SLC26A8: variants seen among roughly 807,000 people sequenced by gnomAD.
The protein encoded by SLC26A8 is solute carrier family 26 member 8.
Under a neutral mutation model 105.0 loss-of-function variants are expected in SLC26A8, and 70 were observed. The observed-to-expected ratio is 0.67, with a 90% CI of 0.55 to 0.81. The LOEUF (loss-of-function observed/expected upper bound fraction) is 0.81. SLC26A8 is among the 40% of genes least tolerant of loss of function. SLC26A8 has a pLI of 0.00. For missense variants in SLC26A8, 998 were observed against 1,181.8 expected (o/e 0.84, Z 2.28); for synonymous variants, 415 against 438.3 (o/e 0.95, Z 0.66).
intron 7 of SLC26A8, among the ~76,000 whole-genome samples, chr6:35,984,854 C>G (rs907425027): frequency 6.6e-6 from 1 of 152,144 alleles, no homozygotes; most frequent in South Asian, 2.1e-4. Context: ...TAGTTCAGGC[C>G]ATGATTGAAG....
At chr6:36,022,060 C>T (rs888277800) in intron 1 of SLC26A8, among the ~76,000 whole-genome samples, 1 of 152,122 alleles carries the variant, frequency 6.6e-6, no homozygotes, top group Non-Finnish European at 1.5e-5. Flanking sequence ...CTCCACCTCC[C>T]AGGTTCAAGC....
intron 19 of SLC26A8, among the ~76,000 whole-genome samples, chr6:35,945,319 C>T (rs9368895): frequency 4.6e-5 from 7 of 152,040 alleles, no homozygotes; most frequent in African/African-American, 9.7e-5. Context: ...CTAGCTAGAC[C>T]GGATTTCATG....
At chr6:35,944,509 A>AAATAATAATAATAATTATAATTATTATAT (rs1771598668) in intron 19 of SLC26A8, among the ~76,000 whole-genome samples, 169 bp from the exon 20 acceptor site, 1 of 147,940 alleles carries the variant, frequency 6.8e-6, no homozygotes. Context: ...CTATCTTAAC[A>AAATAATAATAATAATTATAATTATTATAT]AATAATAATA....
chr6:35,999,452 T>C (rs1761457744), intron 4 of SLC26A8, among the ~76,000 whole-genome samples: 1 of 152,262 alleles, frequency 6.6e-6, no homozygotes, highest in Non-Finnish European at 1.5e-5. Context: ...GCTGATCATA[T>C]GACCTTTAAT....
At chr6:35,948,079 G>A (rs1348616836) in intron 19 of SLC26A8, among the ~76,000 whole-genome samples, 1 of 152,108 alleles carries the variant, frequency 6.6e-6, no homozygotes, top group African/African-American at 2.4e-5. Context: ...ATACTATAAA[G>A]ATATAAATTC....
At chr6:35,947,439 A>G (rs1771714867) in intron 19 of SLC26A8, among the ~76,000 whole-genome samples, 1 of 152,190 alleles carries the variant, frequency 6.6e-6, no homozygotes, top group African/African-American at 2.4e-5. Context: ...GCAATAATAT[A>G]TGATATTGAA....
chr6:35,981,088 AT>A lies in SLC26A8; in HGVS notation c.1025+1032del, dbSNP rs1412435815. Among the ~76,000 whole-genome samples the A allele has an allele frequency of 1.3e-5, 2 of 152,136 alleles. No homozygotes were observed. Among genetic ancestry groups the A allele is most frequent in the African/African-American group, 2.4e-5 (1 of 41,434 alleles). ...TTCACTCTTTACAGGATTCCTTATT[AT>A]ACAACGTGAGGAAATGGGCAATGCT... On this transcript the variant is annotated intron_variant, in intron 8 of 19. Coordinates refer to ENST00000490799, the MANE Select transcript of SLC26A8 (RefSeq NM_052961.4). This position sits in a 1 kb window ranked among gnomAD's most constrained non-coding sequence, Gnocchi z 4.0.
At chr6:35,988,942 A>G (rs1379929702) in intron 7 of SLC26A8, among the ~76,000 whole-genome samples, 2 of 149,144 alleles carry the variant, frequency 1.3e-5, no homozygotes, top group East Asian at 4.1e-4. Context: ...CCAGGTTCAT[A>G]CCATTCTCCT....
At chr6:35,983,158 C>A (rs548224159) in intron 7 of SLC26A8, among the ~76,000 whole-genome samples, 1 of 152,158 alleles carries the variant, frequency 6.6e-6, no homozygotes, top group African/African-American at 2.4e-5. Flanking sequence ...ACCTGTGATA[C>A]TGTTATCAGA....
intron 3 of SLC26A8, among the ~76,000 whole-genome samples, chr6:36,004,436 C>T (rs933372864): frequency 3.3e-5 from 5 of 151,582 alleles, no homozygotes; most frequent in African/African-American, 9.7e-5. Context: ...TTACTATTTT[C>T]TTTGTTTTTC....
intron 14 of SLC26A8, 49 bp downstream of exon 14, chr6:35,960,794 G>A: frequency 6.4e-7 from 1 of 1,559,624 alleles, no homozygotes; most frequent in Non-Finnish European, 8.8e-7. Context: ...ATGAGGTGGG[G>A]CCCACTCTAT....
intron 3 of SLC26A8, among the ~76,000 whole-genome samples, chr6:36,010,106 A>G (rs1207642205): frequency 6.6e-6 from 1 of 152,206 alleles, no homozygotes; most frequent in African/African-American, 2.4e-5. Flanking sequence ...CAGCTTAGTA[A>G]AATGAAAACT....
intron 1 of SLC26A8, among the ~76,000 whole-genome samples, chr6:36,023,761 A>G (rs546576939): frequency 6.6e-6 from 1 of 152,228 alleles, no homozygotes; most frequent in African/African-American, 2.4e-5. Flanking sequence ...TTCCATCAGA[A>G]ACAACCCTAC....
chr6:35,958,614 C>A (rs1362945998), intron 16 of SLC26A8, among the ~76,000 whole-genome samples: 2 of 152,186 alleles, frequency 1.3e-5, no homozygotes, highest in East Asian at 1.9e-4. Flanking sequence ...CATGGTGAAA[C>A]CCCTTCTCAG....
chr6:35,989,070 A>G (rs953299361), intron 7 of SLC26A8, among the ~76,000 whole-genome samples: 11 of 151,952 alleles, frequency 7.2e-5, no homozygotes, highest in African/African-American at 2.2e-4. Context: ...TCAATCTCCT[A>G]ACCTCGTGAT....
At chr6:35,989,428 G>GT (rs1773663264) in intron 7 of SLC26A8, 1 of 152,158 alleles carries the variant, frequency 6.6e-6, no homozygotes, top group East Asian at 1.9e-4. Flanking sequence ...ATGTGTGTGT[G>GT]TATCTCCGGG....
intron 11 of SLC26A8, among the ~76,000 whole-genome samples, chr6:35,968,605 G>GAATATATATATATATATATA (rs1402291129): frequency 1.9e-5 from 1 of 53,862 alleles, no homozygotes; most frequent in Non-Finnish European, 3.6e-5. Flanking sequence ...GTGTGTGTGT[G>GAATATATATATATATATATA]TGTGTATATA....
chr6:36,000,720 T>G (rs896003803), intron 3 of SLC26A8, among the ~76,000 whole-genome samples: 1 of 152,260 alleles, frequency 6.6e-6, no homozygotes, highest in Non-Finnish European at 1.5e-5. Flanking sequence ...CCTAAGAGTC[T>G]GTCCTCAATT....
chr6:35,991,576 A>G lies in SLC26A8; in HGVS notation c.942+83T>C, dbSNP rs1761160908. On this transcript the variant is annotated intron_variant, in intron 7 of 19. Transcript: ENST00000490799. Reference sequence around the variant, plus strand: ...CATATATTGAAAACTAAATGTATTCAGCTTTTACACAATTCAACTCAGCAT... The same window carrying G: ...CATATATTGAAAACTAAATGTATTCGGCTTTTACACAATTCAACTCAGCAT... 3 of 1,106,888 alleles carry G rather than the reference A, an allele frequency of 2.7e-6. 1 individual carries two copies. In the South Asian group the frequency reaches 6.4e-5, roughly 24 times the overall value. The allele number at this position is 1,106,888 out of a possible 1,614,324, so 68.6% of individuals were successfully genotyped here.
Sources: allele counts gnomAD v4.1 joint callset (sites outside exome capture counted in the v4.1 genomes callset), GRCh38; gene constraint gnomAD v4.1.1; non-coding constraint Gnocchi (gnomAD v3.1); transcripts MANE v1.5; gene names NCBI Gene and HGNC (gene_info 2026-07-23, HGNC 2026-07-21).